RBFOX1: variants seen among roughly 807,000 people sequenced by gnomAD.
RBFOX1 encodes the protein RNA binding fox-1 homolog 1.
RBFOX1 carries 8 observed loss-of-function variants against 57.7 expected under a neutral mutation model. The observed-to-expected ratio is 0.14, with a 90% CI of 0.08 to 0.25. The LOEUF (loss-of-function observed/expected upper bound fraction) is 0.25, where lower values mean the gene tolerates loss of function less well. Among genes scored for constraint, RBFOX1 ranks in the 10% least tolerant of loss-of-function variants. The probability of loss-of-function intolerance (pLI) is 1.00; values close to 1 mark genes in which losing one functional copy is unlikely to be tolerated. For synonymous variants in RBFOX1, 326 were observed against 222.4 expected (o/e 1.47, Z -4.15); for missense variants, 611 against 548.5 (o/e 1.11, Z -1.14).
At chr16:5,943,939 T>G (rs1256665060) in intron 4 of RBFOX1, among the ~76,000 whole-genome samples, 1 of 150,964 alleles carries the variant, frequency 6.6e-6, no homozygotes, top group African/African-American at 2.4e-5. Flanking sequence ...TTTCCTTCTA[T>G]TTTCCATCCA....
chr16:5,421,129 C>T (rs1487493112), intron 1 of RBFOX1, among the ~76,000 whole-genome samples: 1 of 151,714 alleles, frequency 6.6e-6, no homozygotes, highest in Non-Finnish European at 1.5e-5. Flanking sequence ...ACCTTAGCCT[C>T]GAGAGTAGCT....
At chr16:6,413,567 G>T (rs1019679569) in intron 2 of RBFOX1, among the ~76,000 whole-genome samples, 1 of 152,076 alleles carries the variant, frequency 6.6e-6, no homozygotes, top group Non-Finnish European at 1.5e-5. Context: ...TGAAATGAGG[G>T]TTTTTATTCT....
chr16:5,981,661 G>T (rs2060175936), intron 4 of RBFOX1, among the ~76,000 whole-genome samples: 1 of 152,022 alleles, frequency 6.6e-6, no homozygotes, highest in South Asian at 2.1e-4. Context: ...TAGAGATGGG[G>T]TTTCACCATA....
chr16:7,244,247 CA>C (rs60054791), intron 4 of RBFOX1, among the ~76,000 whole-genome samples: 3,546 of 99,010 alleles, frequency 0.036, 53 homozygotes, highest in African/African-American at 0.077. Context: ...CAAAGTATTC[CA>C]AAAAAAAAAA....
intron 3 of RBFOX1, among the ~76,000 whole-genome samples, chr16:5,714,898 C>G (rs923330515): frequency 6.6e-6 from 1 of 152,294 alleles, no homozygotes; most frequent in East Asian, 1.9e-4. Flanking sequence ...ACTTCAGTGT[C>G]AAACACAGAG....
chr16:5,637,093 T>C (rs374645237), intron 3 of RBFOX1, among the ~76,000 whole-genome samples: 1 of 152,338 alleles, frequency 6.6e-6, no homozygotes, highest in African/African-American at 2.4e-5. Context: ...TCTGCATCAT[T>C]AGCAGTTTCT....
intron 2 of RBFOX1, among the ~76,000 whole-genome samples, chr16:5,553,776 C>T (rs2045565120): frequency 7.3e-6 from 1 of 136,910 alleles, no homozygotes; most frequent in Non-Finnish European, 1.6e-5. Context: ...AAACCTCATA[C>T]CACAATATTG....
intron 9 of RBFOX1, among the ~76,000 whole-genome samples, chr16:7,602,152 C>A (rs7192965): frequency 0.2 from 31,016 of 152,156 alleles, 3,503 homozygotes; most frequent in African/African-American, 0.31. Flanking sequence ...CACATTCAGA[C>A]TTGGCCTTTT....
intron 2 of RBFOX1, among the ~76,000 whole-genome samples, chr16:6,468,308 A>G (rs552718970): frequency 6.6e-6 from 1 of 152,208 alleles, no homozygotes; most frequent in Non-Finnish European, 1.5e-5. Context: ...ATATGTTGGC[A>G]GAATGGCAAG....
intron 4 of RBFOX1, among the ~76,000 whole-genome samples, chr16:7,209,284 G>C (rs1050585333): frequency 1.3e-5 from 2 of 152,070 alleles, no homozygotes; most frequent in Non-Finnish European, 2.9e-5. Flanking sequence ...GCAGTGAGCT[G>C]ATATCGTGCC....
chr16:6,558,566 C>G (rs966885435), intron 2 of RBFOX1, among the ~76,000 whole-genome samples: 4 of 152,102 alleles, frequency 2.6e-5, no homozygotes, highest in African/African-American at 9.7e-5. Context: ...AGTTTCCCTA[C>G]AAATTGACAC....
intron 2 of RBFOX1, among the ~76,000 whole-genome samples, chr16:6,376,036 T>G (rs761510037): frequency 1.9e-4 from 29 of 152,190 alleles, no homozygotes; most frequent in Non-Finnish European, 2.9e-5. Context: ...CATTTACCAC[T>G]TGTATAGGGG....
intron 2 of RBFOX1, among the ~76,000 whole-genome samples, chr16:6,451,896 C>A (rs1283272820): frequency 1.3e-5 from 2 of 151,408 alleles, no homozygotes; most frequent in African/African-American, 4.9e-5. Context: ...ATGGCCACTC[C>A]CTCCCATGAC....
At chr16:7,529,008 C>T (rs2079339559) in intron 5 of RBFOX1, among the ~76,000 whole-genome samples, 1 of 152,202 alleles carries the variant, frequency 6.6e-6, no homozygotes, top group Non-Finnish European at 1.5e-5. Context: ...TCTGTAATCC[C>T]AGCACTTTGG....
At chr16:6,804,208 C>G (rs1322510053) in intron 3 of RBFOX1, among the ~76,000 whole-genome samples, 1 of 151,926 alleles carries the variant, frequency 6.6e-6, no homozygotes, top group Non-Finnish European at 1.5e-5. Context: ...TGGGGTTTCA[C>G]TTTGTTGGCC....
At chr16:7,562,224 T>G (rs1281957550) in intron 5 of RBFOX1, among the ~76,000 whole-genome samples, 2 of 152,194 alleles carry the variant, frequency 1.3e-5, no homozygotes, top group Non-Finnish European at 2.9e-5. Flanking sequence ...GTGTACCTGC[T>G]TTTTATCTGG....
At chr16:5,322,361 G>A (rs968606114) in intron 1 of RBFOX1, among the ~76,000 whole-genome samples, 2 of 152,128 alleles carry the variant, frequency 1.3e-5, no homozygotes, top group African/African-American at 2.4e-5. Context: ...GATGTTCTAG[G>A]AACTGGCTTG....
intron 3 of RBFOX1, among the ~76,000 whole-genome samples, chr16:6,962,751 C>G (rs974958452): frequency 6.6e-6 from 1 of 152,088 alleles, no homozygotes; most frequent in Non-Finnish European, 1.5e-5. Flanking sequence ...GTAGCCCCAG[C>G]TACCTTAGAA....
At chr16:7,548,172 A>G (rs571127430) in intron 5 of RBFOX1, among the ~76,000 whole-genome samples, 219 of 152,016 alleles carry the variant, frequency 1.4e-3, no homozygotes, top group Non-Finnish European at 2.6e-3. Flanking sequence ...CGTTTTTCAT[A>G]TTTTATTTTT....
Sources: gnomAD v4.1 joint callset for allele counts (sites outside exome capture counted in the v4.1 genomes callset) on GRCh38, gnomAD v4.1.1 for gene constraint, MANE v1.5 for transcripts, NCBI Gene and HGNC (gene_info 2026-07-23, HGNC 2026-07-21) for gene names.